The following EXOC4 variants were observed in gnomAD, a reference collection of about 807,000 sequenced individuals.
The protein encoded by EXOC4 is exocyst complex component 4, also known as SEC8-like 1.
A neutral mutation model predicts 107.2 loss-of-function variants in EXOC4; 71 were observed. The observed-to-expected ratio is 0.66, with a 90% CI of 0.55 to 0.81. The LOEUF (loss-of-function observed/expected upper bound fraction) is 0.81, where lower values mean the gene tolerates loss of function less well. Among genes scored for constraint, EXOC4 ranks in the 30% least tolerant of loss-of-function variants. EXOC4 has a pLI of 0.00. For synonymous variants in EXOC4, 456 were observed against 441.2 expected (o/e 1.03, Z -0.42); for missense variants, 1,108 against 1,189.6 (o/e 0.93, Z 1.01).
intron 17 of EXOC4, among the ~76,000 whole-genome samples, chr7:134,044,402 C>T (rs1203312878): frequency 1.3e-5 from 2 of 152,194 alleles, no homozygotes; most frequent in African/African-American, 2.4e-5. Context: ...CTGCCTACCA[C>T]CGTCTTCTGC....
intron 14 of EXOC4, among the ~76,000 whole-genome samples, chr7:133,965,262 T>C (rs1306349387): frequency 1.3e-5 from 2 of 152,240 alleles, no homozygotes; most frequent in Non-Finnish European, 2.9e-5. Flanking sequence ...GCAAAAATTG[T>C]CTCCCATTCT....
intron 9 of EXOC4, among the ~76,000 whole-genome samples, chr7:133,562,044 A>G (rs889872393): frequency 6.6e-6 from 1 of 152,260 alleles, no homozygotes; most frequent in Admixed American, 6.5e-5. Context: ...GAAATATGCC[A>G]TAACAACTCA....
chr7:133,595,737 G>A (rs552421533), intron 9 of EXOC4, among the ~76,000 whole-genome samples: 4 of 152,152 alleles, frequency 2.6e-5, no homozygotes, highest in African/African-American at 9.7e-5. Context: ...TTAAACTTCA[G>A]TCTTTCTCAT....
intron 14 of EXOC4, among the ~76,000 whole-genome samples, chr7:133,944,029 A>G (rs1043131354): frequency 1.3e-5 from 2 of 152,174 alleles, no homozygotes; most frequent in African/African-American, 4.8e-5. Flanking sequence ...TAAAGTTGCA[A>G]AGATATTACA....
chr7:133,811,482 T>G (rs980531950), intron 10 of EXOC4, among the ~76,000 whole-genome samples: 1 of 152,164 alleles, frequency 6.6e-6, no homozygotes, highest in African/African-American at 2.4e-5. Flanking sequence ...TGTGGTAAAT[T>G]GGGGAAAATA....
intron 4 of EXOC4, among the ~76,000 whole-genome samples, chr7:133,313,850 G>T (rs1794930897): frequency 1.3e-5 from 2 of 152,002 alleles, no homozygotes; most frequent in Non-Finnish European, 2.9e-5. Context: ...TGTTGCTATT[G>T]GCAAAATGCA....
At chr7:133,797,830 T>C (rs547360783) in intron 10 of EXOC4, among the ~76,000 whole-genome samples, 1 of 152,248 alleles carries the variant, frequency 6.6e-6, no homozygotes, top group Non-Finnish European at 1.5e-5. Context: ...GGCACTTTCC[T>C]AGGTTCTAGG....
chr7:133,634,072 C>T (rs1802650844), intron 10 of EXOC4, among the ~76,000 whole-genome samples: 1 of 152,172 alleles, frequency 6.6e-6, no homozygotes, highest in African/African-American at 2.4e-5. Context: ...CTAAGAATAC[C>T]ACAGAGCAGT....
chr7:133,515,749 G>T (rs921425119), intron 9 of EXOC4, among the ~76,000 whole-genome samples: 1 of 152,148 alleles, frequency 6.6e-6, no homozygotes, highest in African/African-American at 2.4e-5. Context: ...GATTCCAGGG[G>T]TGAGCCAGAG....
intron 7 of EXOC4, among the ~76,000 whole-genome samples, chr7:133,415,925 G>A (rs1248890329): frequency 6.6e-6 from 1 of 152,074 alleles, no homozygotes; most frequent in Non-Finnish European, 1.5e-5. Context: ...TCTGACAAAC[G>A]GGAAGTAAAA....
intron 9 of EXOC4, among the ~76,000 whole-genome samples, chr7:133,492,911 C>T (rs1452550528): frequency 5.3e-5 from 8 of 151,388 alleles, no homozygotes; most frequent in Non-Finnish European, 1.2e-4. Context: ...CTTGGATTAT[C>T]AGTCACTGGC....
chr7:133,309,794 G>T (rs116281244), intron 4 of EXOC4, among the ~76,000 whole-genome samples: 1 of 152,110 alleles, frequency 6.6e-6, no homozygotes, highest in Non-Finnish European at 1.5e-5. Flanking sequence ...GTAAAAGTTA[G>T]CCAGGCATGG....
chr7:133,607,584 A>G (rs1464909067), intron 9 of EXOC4, among the ~76,000 whole-genome samples: 3 of 152,188 alleles, frequency 2.0e-5, no homozygotes, highest in African/African-American at 7.2e-5. Context: ...GGGCAACAAA[A>G]AGAGCCTTCA....
At chr7:133,604,706 CTTTCTTTTTTTTTTTTTTTT>C (rs1438236103) in intron 9 of EXOC4, among the ~76,000 whole-genome samples, 10 of 87,536 alleles carry the variant, frequency 1.1e-4, no homozygotes, top group Admixed American at 8.1e-4. Flanking sequence ...TTCCTTCCTT[CTTTCTTTTTTTTTTTTTTTT>C]TTTTTTTTTT....
chr7:133,458,709 A>G (rs1798519927), intron 7 of EXOC4, among the ~76,000 whole-genome samples: 1 of 152,160 alleles, frequency 6.6e-6, no homozygotes, highest in Non-Finnish European at 1.5e-5. Flanking sequence ...ATACTAAGAC[A>G]TTTCTCTGGC....
At chr7:133,821,152 A>C (rs947633480) in intron 11 of EXOC4, among the ~76,000 whole-genome samples, 9 of 152,266 alleles carry the variant, frequency 5.9e-5, no homozygotes, top group African/African-American at 2.2e-4. Flanking sequence ...TAATGATAGC[A>C]GCTAACACTT....
At chr7:133,637,278 A>G (rs1426811935) in intron 10 of EXOC4, among the ~76,000 whole-genome samples, 3 of 152,224 alleles carry the variant, frequency 2.0e-5, no homozygotes, top group Non-Finnish European at 1.5e-5. Context: ...CATATTGCCA[A>G]TATTTCCAGA....
rs533656726 is a variant in EXOC4 at position 133,463,902 on chromosome 7, G to A, written c.1183-11426G>A. On this transcript the variant is annotated intron_variant, in intron 7 of 17. Coordinates refer to ENST00000253861, the MANE Select transcript of EXOC4 (RefSeq NM_021807.4). ...CACTTACACTTATAAAGTGATTGCTGTGCTTCAGGCAGTGTTCTAAGTGGA... is the reference window on the plus strand; with the variant it reads ...CACTTACACTTATAAAGTGATTGCTATGCTTCAGGCAGTGTTCTAAGTGGA... 5.9e-5 allele frequency among the ~76,000 whole-genome samples: 9 copies of A among 152,244 alleles called. No individual in the cohort carries two copies. The East Asian group carries it at 9.7e-4, about 16-fold the overall frequency.
At chr7:134,098,007 A>G in the EXOC4 span, among the ~76,000 whole-genome samples, 1 of 152,200 alleles carries the variant, frequency 6.6e-6, no homozygotes, top group Non-Finnish European at 1.5e-5. Context: ...GCAAATGGGT[A>G]GGACCTGGCA....
Sources: allele counts gnomAD v4.1 joint callset (sites outside exome capture counted in the v4.1 genomes callset), GRCh38; gene constraint gnomAD v4.1.1; transcripts MANE v1.5; gene names NCBI Gene and HGNC (gene_info 2026-07-23, HGNC 2026-07-21).